Variants in PHACTR3 observed in about 807,000 individuals in gnomAD.
PHACTR3 encodes protein phosphatase 1, regulatory subunit 123.
PHACTR3 carries 16 observed loss-of-function variants against 66.8 expected under a neutral mutation model. That is an observed-to-expected ratio of 0.24 (90% confidence interval 0.16 to 0.36). The LOEUF is 0.36. PHACTR3 is among the 10% of genes least tolerant of loss of function. PHACTR3 has a pLI of 1.00. For synonymous variants in PHACTR3, 323 were observed against 292.1 expected, an observed-to-expected ratio of 1.11 and a Z score of -1.08; for missense variants, 647 against 719.9, an observed-to-expected ratio of 0.90 and a Z score of 1.16.
At chr20:59,751,825 C>A (rs1268765431) in intron 3 of PHACTR3, among the ~76,000 whole-genome samples, 1 of 152,062 alleles carries the variant, frequency 6.6e-6, no homozygotes, top group Non-Finnish European at 1.5e-5. Flanking sequence ...CTCTTCAGTG[C>A]TCCTTCCACC....
intron 1 of PHACTR3, among the ~76,000 whole-genome samples, chr20:59,740,339 T>A (rs937555195): frequency 6.6e-6 from 1 of 152,148 alleles, no homozygotes; most frequent in Non-Finnish European, 1.5e-5. Context: ...ACAGGGTCTC[T>A]CTCTCTGTAG....
At chr20:59,744,259 G>A (rs866750825) in intron 2 of PHACTR3, among the ~76,000 whole-genome samples, 51 of 152,334 alleles carry the variant, frequency 3.3e-4, no homozygotes, top group African/African-American at 1.2e-3. Context: ...AGCAGGTGGC[G>A]GGGCTGAGGC....
intron 8 of PHACTR3, among the ~76,000 whole-genome samples, chr20:59,823,038 C>A (rs1176276765): frequency 1.3e-5 from 2 of 152,222 alleles, no homozygotes; most frequent in African/African-American, 2.4e-5. Flanking sequence ...GAGGGCAAGG[C>A]AGGCCCTGGT....
intron 1 of PHACTR3, among the ~76,000 whole-genome samples, chr20:59,583,166 T>C (rs1485065431): frequency 6.6e-6 from 1 of 152,202 alleles, no homozygotes; most frequent in African/African-American, 2.4e-5. Context: ...TTATCTACTA[T>C]AACGTGTGTG....
At chr20:59,841,572 G>A in intron 11 of PHACTR3, 37 bp downstream of exon 11, 1 of 1,584,076 alleles carries the variant, frequency 6.3e-7, no homozygotes, top group South Asian at 1.2e-5. Context: ...GGTGTTGGAT[G>A]ATATAATAAA....
chr20:59,742,694 G>A (rs1002572982), intron 1 of PHACTR3, among the ~76,000 whole-genome samples: 2 of 152,172 alleles, frequency 1.3e-5, no homozygotes, highest in Non-Finnish European at 2.9e-5. Context: ...GGAAGGTAAA[G>A]ACTCTGGACA....
chr20:59,797,151 A>G (rs1456214161), intron 7 of PHACTR3, among the ~76,000 whole-genome samples: 11 of 152,050 alleles, frequency 7.2e-5, no homozygotes, highest in Non-Finnish European at 1.5e-4. Flanking sequence ...TATTTATTGA[A>G]TTCTTCAGCT....
chr20:59,613,106 A>C (rs1180965685), intron 1 of PHACTR3, among the ~76,000 whole-genome samples: 2 of 152,234 alleles, frequency 1.3e-5, no homozygotes, highest in African/African-American at 2.4e-5. Context: ...TTCCATTTCA[A>C]CATGAGATTT....
chr20:59,604,983 C>G lies in PHACTR3; in HGVS notation c.-32C>G. On this transcript the variant is annotated 5_prime_UTR_variant, in exon 1 of 13. Transcript: ENST00000371015. The stretch of plus-strand genomic sequence containing the variant: ...TCGGATGCTCTGATTCCACGCGGCT[C>G]GCTCTAACTTGCCCCCGCGCCGGCC... 7.8e-7 allele frequency: 1 copy of G among 1,276,118 alleles called. No homozygotes were observed. Among genetic ancestry groups the G allele is most frequent in the Non-Finnish European group, 9.9e-7 (1 of 1,005,672 alleles). The allele number at this position is 1,276,118 out of a possible 1,614,324, so 79.0% of individuals were successfully genotyped here.
chr20:59,582,108 A>G lies in PHACTR3; in HGVS notation c.109+4491A>G, dbSNP rs370684217. Among the ~76,000 whole-genome samples the G allele has an allele frequency of 3.9e-3, 591 of 152,302 alleles. 4 individuals are homozygous for G. Among genetic ancestry groups the G allele is most frequent in the African/African-American group, 0.014 (566 of 41,556 alleles). ...AGGCTCAAATCCCTCTGGAACATGA[A>G]TCCTCCCCCCGCCCGCCACCTTTCG... is the stretch of plus-strand genomic sequence containing the variant. On this transcript the variant is annotated intron_variant, in intron 1 of 12. Coordinates refer to the PHACTR3 transcript ENST00000359926.
chr20:59,822,886 G>T (rs550840897), intron 8 of PHACTR3, among the ~76,000 whole-genome samples: 1 of 152,318 alleles, frequency 6.6e-6, no homozygotes, highest in East Asian at 1.9e-4. Flanking sequence ...ACCCTGGGAA[G>T]CCACAGGGAG....
At chr20:59,717,751 G>A (rs1189527465) in intron 1 of PHACTR3, among the ~76,000 whole-genome samples, 2 of 152,302 alleles carry the variant, frequency 1.3e-5, no homozygotes, top group South Asian at 2.1e-4. Flanking sequence ...GCTATATAAA[G>A]GTGTGGTTTT....
At chr20:59,794,688 A>AT (rs2041201664) in intron 7 of PHACTR3, among the ~76,000 whole-genome samples, 2 of 152,200 alleles carry the variant, frequency 1.3e-5, no homozygotes, top group South Asian at 4.1e-4. Flanking sequence ...TTGATGGGAG[A>AT]TTTTTTAGTA....
intron 8 of PHACTR3, among the ~76,000 whole-genome samples, chr20:59,811,451 G>A (rs546664576): frequency 2.0e-5 from 3 of 152,298 alleles, no homozygotes; most frequent in East Asian, 3.9e-4. Flanking sequence ...TTGAGGTCAG[G>A]AGTTCGAGAC....
intron 8 of PHACTR3, among the ~76,000 whole-genome samples, chr20:59,811,035 T>C (rs1019421423): frequency 1.3e-5 from 2 of 152,242 alleles, no homozygotes; most frequent in Admixed American, 1.3e-4. Context: ...CTTTCTTTCA[T>C]TTATCTAGTC....
chr20:59,605,146 CG>C lies in PHACTR3; in HGVS notation c.118+19del. On this transcript the variant is annotated intron_variant, in intron 1 of 12. Coordinates refer to ENST00000371015, the MANE Select transcript of PHACTR3 (RefSeq NM_080672.5). The stretch of plus-strand genomic sequence containing the variant: ...GGGAGAACCCAGGTAACGGGCTGGG[CG>C]GGGGCGGCGGGCGGGTCGGGGAGGC... 1.6e-5 allele frequency: 4 copies of C among 254,340 alleles called. No homozygotes were observed. The highest frequency in any genetic ancestry group is 2.1e-5 in the Non-Finnish European group (3 of 139,858). 15.8% of individuals were successfully genotyped at this position (254,340 alleles called of 1,614,324 possible). A position where few individuals can be genotyped will look rare whatever the true frequency, so the allele number is the denominator to read the frequency against.
At chr20:59,818,044 C>G (rs890843013) in intron 8 of PHACTR3, among the ~76,000 whole-genome samples, 2 of 152,158 alleles carry the variant, frequency 1.3e-5, no homozygotes, top group Non-Finnish European at 1.5e-5. Context: ...CTGTCAGTAT[C>G]CTAGGGAGCC....
chr20:59,738,426 A>G lies in PHACTR3; in HGVS notation c.119-4681A>G, dbSNP rs1392306363. ...AGAAGGGAAGCGAGCAGGAAGTGAT[A>G]GGGTTAGAGCTCTATTTCTAAGACA... On this transcript the variant is annotated intron_variant, in intron 1 of 12. Coordinates refer to ENST00000371015, the MANE Select transcript of PHACTR3 (RefSeq NM_080672.5). This position sits in a 1 kb window ranked among gnomAD's most constrained non-coding sequence, Gnocchi z 4.4. Among the ~76,000 whole-genome samples, 1 of 139,576 alleles carries G rather than the reference A, an allele frequency of 7.2e-6. No homozygotes were observed. The highest frequency in any genetic ancestry group is 1.5e-5 in the Non-Finnish European group (1 of 64,818). 91.6% of individuals were successfully genotyped at this position (139,576 alleles called of 152,430 possible). A position where few individuals can be genotyped will look rare whatever the true frequency, so the allele number is the denominator to read the frequency against.
intron 5 of PHACTR3, among the ~76,000 whole-genome samples, chr20:59,768,622 CT>C (rs2040261981): frequency 6.6e-6 from 1 of 152,204 alleles, no homozygotes; most frequent in Non-Finnish European, 1.5e-5. Context: ...GAACTGCCAC[CT>C]TTTGGAAGAG....
Sources: allele counts gnomAD v4.1 joint callset (sites outside exome capture counted in the v4.1 genomes callset), GRCh38; gene constraint gnomAD v4.1.1; non-coding constraint Gnocchi (gnomAD v3.1); transcripts MANE v1.5; gene names NCBI Gene and HGNC (gene_info 2026-07-23, HGNC 2026-07-21).